Variants in MAPK10 observed in about 807,000 individuals in gnomAD.
MAPK10 encodes the protein mitogen-activated protein kinase 10, also known as JNK3 alpha protein kinase.
MAPK10 carries 25 observed loss-of-function variants against 59.3 expected under a neutral mutation model. The observed-to-expected ratio is 0.42, with a 90% CI of 0.31 to 0.59. The LOEUF is 0.59. Among genes scored for constraint, MAPK10 ranks in the 20% least tolerant of loss-of-function variants. The probability of loss-of-function intolerance (pLI) is 0.15; values close to 1 mark genes in which losing one functional copy is unlikely to be tolerated. For missense variants in MAPK10, 351 were observed against 568.9 expected (o/e 0.62, Z 3.90); for synonymous variants, 190 against 200.5 (o/e 0.95, Z 0.44).
chr4:86,242,447 G>A (rs1381078528), intron 2 of MAPK10, among the ~76,000 whole-genome samples: 1 of 152,184 alleles, frequency 6.6e-6, no homozygotes, highest in Non-Finnish European at 1.5e-5. Flanking sequence ...AGAACTACCA[G>A]AAGGAGAGGC....
At chr4:86,316,704 A>C (rs1010243014) in intron 2 of MAPK10, among the ~76,000 whole-genome samples, 2 of 152,180 alleles carry the variant, frequency 1.3e-5, no homozygotes, top group African/African-American at 2.4e-5. Flanking sequence ...CTAAGAAAGC[A>C]GTAGTGGCAG....
chr4:86,125,634 C>T (rs551428866), intron 4 of MAPK10: 1 of 152,026 alleles, frequency 6.6e-6, no homozygotes, highest in Non-Finnish European at 1.5e-5. Flanking sequence ...TACATTCCTA[C>T]CTTTGGCCAT....
chr4:86,326,584 A>G (rs2096027632), intron 2 of MAPK10: 1 of 152,132 alleles, frequency 6.6e-6, no homozygotes. Context: ...AATAGTCCAA[A>G]TTCCTTTTAA....
intron 1 of MAPK10, among the ~76,000 whole-genome samples, chr4:86,514,529 G>A (rs370512158): frequency 8.6e-5 from 13 of 151,952 alleles, no homozygotes. Context: ...GGTTTTTTAA[G>A]TAGACAATAG....
intron 3 of MAPK10, among the ~76,000 whole-genome samples, chr4:86,187,177 C>A (rs1226417933): frequency 3.9e-5 from 6 of 152,126 alleles, no homozygotes; most frequent in Admixed American, 3.9e-4. Context: ...CCTGAAACCA[C>A]AGATAGCACT....
chr4:86,059,747 T>C (rs1372628730), intron 11 of MAPK10, among the ~76,000 whole-genome samples: 1 of 152,096 alleles, frequency 6.6e-6, no homozygotes, highest in Non-Finnish European at 1.5e-5. Context: ...GTGGAGGATG[T>C]CGTGTGTCCT....
At chr4:86,406,379 A>G (rs1418864064) in intron 1 of MAPK10, among the ~76,000 whole-genome samples, 1 of 152,208 alleles carries the variant, frequency 6.6e-6, no homozygotes, top group Admixed American at 6.5e-5. Context: ...AGTTAGAAAA[A>G]CAGGGAAATG....
intron 1 of MAPK10, among the ~76,000 whole-genome samples, chr4:86,355,893 G>T (rs2148972629): frequency 6.6e-6 from 1 of 152,278 alleles, no homozygotes; most frequent in African/African-American, 2.4e-5. Context: ...GAGGACAATT[G>T]CTTTAAGCAA....
intron 3 of MAPK10, among the ~76,000 whole-genome samples, chr4:86,165,500 T>TCTGATAG (rs1369278828): frequency 6.7e-6 from 1 of 149,908 alleles, no homozygotes; most frequent in Non-Finnish European, 1.5e-5. Flanking sequence ...ACCTCAGCCT[T>TCTGATAG]CTGATAGCTG....
chr4:86,238,441 A>G (rs957823930), intron 2 of MAPK10, among the ~76,000 whole-genome samples: 5 of 152,064 alleles, frequency 3.3e-5, no homozygotes, highest in African/African-American at 1.2e-4. Context: ...TTTGGGCAGT[A>G]TGGCCATTTT....
chr4:86,031,638 A>G (rs1380928418), intron 11 of MAPK10: 2 of 479,916 alleles, frequency 4.2e-6, no homozygotes, highest in Admixed American at 3.7e-5. Flanking sequence ...TGCTGACCCA[A>G]TATTGCTGCA....
chr4:86,228,270 T>C (rs1474544961), intron 2 of MAPK10, among the ~76,000 whole-genome samples: 1 of 152,148 alleles, frequency 6.6e-6, no homozygotes, highest in Non-Finnish European at 1.5e-5. Context: ...CTTGTGTGTA[T>C]ATGAAAAGTG....
At chr4:86,154,488 T>C (rs1471636943) in intron 4 of MAPK10, among the ~76,000 whole-genome samples, 1 of 152,156 alleles carries the variant, frequency 6.6e-6, no homozygotes, top group African/African-American at 2.4e-5. Flanking sequence ...AGTGTGATGA[T>C]GAAGCAACTG....
intron 2 of MAPK10, among the ~76,000 whole-genome samples, chr4:86,249,864 T>G (rs182845598): frequency 1.5e-3 from 226 of 152,288 alleles, no homozygotes; most frequent in Non-Finnish European, 2.8e-3. Flanking sequence ...AACTTCATAA[T>G]TATACAATGA....
intron 1 of MAPK10, among the ~76,000 whole-genome samples, chr4:86,404,950 G>A (rs1305371646): frequency 6.6e-6 from 1 of 152,142 alleles, no homozygotes; most frequent in Non-Finnish European, 1.5e-5. Context: ...ATGAAATAGT[G>A]ATATTATCTA....
intron 1 of MAPK10, among the ~76,000 whole-genome samples, chr4:86,474,201 ATTTG>A (rs1172355439): frequency 2.6e-5 from 4 of 152,136 alleles, no homozygotes; most frequent in African/African-American, 9.7e-5. Flanking sequence ...CACAATTTTT[ATTTG>A]TTAGAAATGA....
intron 2 of MAPK10, chr4:86,336,170 C>T (rs1274356678): frequency 1.3e-5 from 2 of 152,166 alleles, no homozygotes; most frequent in Admixed American, 1.3e-4. Context: ...TGAAATTACT[C>T]TATAAATTAA....
intron 2 of MAPK10, among the ~76,000 whole-genome samples, chr4:86,201,536 G>A (rs936849503): frequency 5.9e-5 from 9 of 151,916 alleles, no homozygotes; most frequent in Admixed American, 5.9e-4. Context: ...TGGATGGAGA[G>A]AAGGCTTTAT....
intron 2 of MAPK10, among the ~76,000 whole-genome samples, chr4:86,229,485 A>G (rs1187957660): frequency 6.6e-6 from 1 of 152,154 alleles, no homozygotes; most frequent in Non-Finnish European, 1.5e-5. Flanking sequence ...TACAAACCCT[A>G]CAAGTATCCA....
Sources: gnomAD v4.1 joint callset for allele counts (sites outside exome capture counted in the v4.1 genomes callset) on GRCh38, gnomAD v4.1.1 for gene constraint, MANE v1.5 for transcripts, NCBI Gene and HGNC (gene_info 2026-07-23, HGNC 2026-07-21) for gene names.